ZNF584: variants seen among roughly 807,000 people sequenced by gnomAD.
ZNF584 encodes the protein zinc finger protein 584.
In ZNF584, 12 loss-of-function variants were observed where a neutral mutation model predicts 14.7. The ratio of observed to expected loss-of-function variants is 0.82; its 90% CI spans 0.52 to 1.32. ZNF584 has a LOEUF of 1.32. ZNF584 is among the 40% of genes most tolerant of loss of function. The pLI, the probability that ZNF584 is intolerant of heterozygous loss-of-function variation, is 0.00. For missense variants in ZNF584, 478 were observed against 518.8 expected (o/e 0.92, Z 0.76); for synonymous variants, 204 against 190.9 (o/e 1.07, Z -0.57).
chr19:58,415,906 T>C (rs2122242407), intron 3 of ZNF584: 1 of 1,599,040 alleles, frequency 6.3e-7, no homozygotes, highest in Non-Finnish European at 8.5e-7. Flanking sequence ...GGCGACTCAG[T>C]GCGTGTCTTG....
At chr19:58,412,197 G>GCCTTTTTTTTTTTTTTTTTTT (rs1225346355) in intron 2 of ZNF584, among the ~76,000 whole-genome samples, 2 of 97,978 alleles carry the variant, frequency 2.0e-5, no homozygotes, top group African/African-American at 1.1e-4. Context: ...GGCCAGGGTG[G>GCCTTTTTTTTTTTTTTTTTTT]TCTTTTTTTT....
intron 2 of ZNF584, among the ~76,000 whole-genome samples, chr19:58,412,434 C>G (rs568082235): frequency 6.6e-6 from 1 of 152,050 alleles, no homozygotes; most frequent in Admixed American, 6.5e-5. Context: ...TGGTCTCAAT[C>G]TCCTGACCTC....
chr19:58,415,871 T>C (rs1362342763), intron 3 of ZNF584: 8 of 1,599,524 alleles, frequency 5.0e-6, no homozygotes, highest in Non-Finnish European at 6.8e-6. Context: ...CCCTTCTCTG[T>C]ATCTGTGCAG....
In ZNF584 at chr19:58,413,625, GC is replaced by G. The variant is rs200765056; in HGVS notation, c.170-1897del. 6.9e-3 allele frequency among the ~76,000 whole-genome samples: 1,037 copies of G among 150,826 alleles called. 9 individuals are homozygous for G. The highest frequency in any genetic ancestry group is 0.024 in the African/African-American group (980 of 41,066). On this transcript the variant is annotated intron_variant, in intron 2 of 3. Coordinates refer to ENST00000306910, the MANE Select transcript of ZNF584 (RefSeq NM_173548.3). Reference sequence around the variant, plus strand: ...AAGTTCAAGCGATTCTCCTGCCTCAGCCTCCCGAGTGGCATGGTCCACCACA... The same window carrying G: ...AAGTTCAAGCGATTCTCCTGCCTCAGCTCCCGAGTGGCATGGTCCACCACA...
intron 2 of ZNF584, among the ~76,000 whole-genome samples, chr19:58,410,546 T>TTTTTTTTTTTTTTTTTTTTTTAG (rs1568584382): frequency 1.6e-5 from 1 of 62,540 alleles, no homozygotes. Flanking sequence ...TATATATATA[T>TTTTTTTTTTTTTTTTTTTTTTAG]ATATATATAT....
At chr19:58,411,093 A>G (rs182012996) in intron 2 of ZNF584, among the ~76,000 whole-genome samples, 115 of 151,884 alleles carry the variant, frequency 7.6e-4, no homozygotes, top group African/African-American at 2.5e-3. Flanking sequence ...CCTGGCCACA[A>G]AGGTACTTCT....
chr19:58,417,957 T>A lies in ZNF584; in HGVS notation c.*173T>A. 1 of 737,088 alleles carries A rather than the reference T, an allele frequency of 1.4e-6. No individual in the cohort carries two copies. Among genetic ancestry groups the A allele is most frequent in the African/African-American group, 1.8e-5 (1 of 56,526 alleles). The allele number at this position is 737,088 out of a possible 1,614,324, so 45.7% of individuals were successfully genotyped here. The stretch of plus-strand genomic sequence containing the variant: ...TCGGGAGCCACATTGCACTCTGACT[T>A]GCCTGGGGCTGTTGGCAGTGTCACA... On this transcript the variant is annotated 3_prime_UTR_variant, in exon 4 of 4. Transcript: ENST00000306910.
At chr19:58,415,760 C>G in intron 3 of ZNF584, 114 bp downstream of exon 3, 2 of 1,612,246 alleles carry the variant, frequency 1.2e-6, no homozygotes, top group South Asian at 2.2e-5. Flanking sequence ...TTATTTCCTT[C>G]CACCTTTCCT....
chr19:58,402,071 G>A (rs906435832), intron 1 of ZNF584, among the ~76,000 whole-genome samples: 25 of 151,794 alleles, frequency 1.6e-4, no homozygotes, highest in African/African-American at 5.8e-4. Flanking sequence ...ACTCCGTTTG[G>A]GGGGGTAAAG....
chr19:58,415,821 C>T (rs1397439185), intron 3 of ZNF584, 175 bp downstream of exon 3: 1 of 1,603,266 alleles, frequency 6.2e-7, no homozygotes, highest in Admixed American at 1.7e-5. Context: ...ATTTTCAGGC[C>T]CCGCATGTTC....
chr19:58,407,895 C>T (rs532397255), upstream of ZNF584, among the ~76,000 whole-genome samples: 146 of 152,310 alleles, frequency 9.6e-4, 1 homozygote, highest in Middle Eastern at 0.014. Context: ...CTCCCAGGCC[C>T]CCATACCTGA....
intron 1 of ZNF584, chr19:58,401,734 G>A (rs2052432191): frequency 9.7e-6 from 1 of 102,952 alleles, no homozygotes; most frequent in Non-Finnish European, 2.4e-5. Context: ...CGCCGGGGAC[G>A]AGTCTGTGGC....
intron 1 of ZNF584, 70 bp downstream of exon 1, chr19:58,409,235 T>C (rs1285820242): frequency 7.3e-7 from 1 of 1,365,660 alleles, no homozygotes; most frequent in Non-Finnish European, 9.6e-7. Flanking sequence ...CAGGGCAGAG[T>C]TGGAGGAGGG....
At chr19:58,410,415 T>G (rs78584268) in intron 2 of ZNF584, among the ~76,000 whole-genome samples, 2 of 150,530 alleles carry the variant, frequency 1.3e-5, no homozygotes, top group East Asian at 1.9e-4. Flanking sequence ...CTTGAAGACA[T>G]GGCTTCTCTG....
intron 2 of ZNF584, among the ~76,000 whole-genome samples, chr19:58,412,199 CTTT>C (rs35188048): frequency 1.8e-4 from 15 of 83,936 alleles, no homozygotes; most frequent in Admixed American, 2.7e-4. Flanking sequence ...CCAGGGTGGT[CTTT>C]TTTTTTTTTT....
At chr19:58,411,408 C>A (rs1201328575) in intron 2 of ZNF584, among the ~76,000 whole-genome samples, 1 of 151,640 alleles carries the variant, frequency 6.6e-6, no homozygotes, top group African/African-American at 2.4e-5. Flanking sequence ...TGCCTGTAAT[C>A]CCAGCTACTA....
intron 2 of ZNF584, among the ~76,000 whole-genome samples, chr19:58,410,537 A>ATG (rs2052533771): frequency 4.1e-5 from 1 of 24,648 alleles, no homozygotes; most frequent in African/African-American, 2.4e-4. Context: ...ATATATATAT[A>ATG]TATATATATA....
chr19:58,408,189 C>G (rs959111622), upstream of ZNF584: 104 of 152,268 alleles, frequency 6.8e-4, no homozygotes, highest in African/African-American at 2.3e-3. Flanking sequence ...CTCCGGGCTC[C>G]GTAAAGCGGA....
chr19:58,415,807 C>T (rs1169153844), intron 3 of ZNF584, 161 bp downstream of exon 3: 1 of 1,606,078 alleles, frequency 6.2e-7, no homozygotes, highest in Non-Finnish European at 8.5e-7. Context: ...CCATCTCTAC[C>T]ATGATTTTCA....
Sources: allele counts gnomAD v4.1 joint callset (sites outside exome capture counted in the v4.1 genomes callset), GRCh38; gene constraint gnomAD v4.1.1; transcripts MANE v1.5; gene names NCBI Gene and HGNC (gene_info 2026-07-23, HGNC 2026-07-21).